The following BTAF1 variants were observed in gnomAD, a reference collection of about 807,000 sequenced individuals.
The protein encoded by BTAF1 is TATA-binding protein-associated factor 172.
A neutral mutation model predicts 227.1 loss-of-function variants in BTAF1; 38 were observed. That is an observed-to-expected ratio of 0.17 (90% CI 0.13 to 0.22). BTAF1 has a LOEUF of 0.22. Among genes scored for constraint, BTAF1 ranks in the 10% least tolerant of loss-of-function variants. The pLI is 1.00. For synonymous variants in BTAF1, 742 were observed against 751.9 expected (o/e 0.99, Z 0.21); for missense variants, 1,598 against 2,204.0 (o/e 0.73, Z 5.51).
rs745359707 is a variant in BTAF1 at position 92,008,168 on chromosome 10, T to C, written c.3706T>C (p.Leu1236=). 2.2e-5 allele frequency: 35 copies of C among 1,597,480 alleles called. No individual in the cohort carries two copies. In the Admixed American group the frequency reaches 3.2e-4, roughly 14 times the overall value. ...PPNMSAELIQ[L]KAKERHFLEQ... ...AAACATGTCAGCAGAATTAATCCAA[T>C]TGAAAGCCAAGGAGCGACACTTTTT... Residue 1236 remains leucine, a synonymous_variant, in exon 26 of 38, where the codon TTG becomes CTG. Transcript: ENST00000265990.
Position 91,993,680 on chromosome 10 carries a change from C to CA in BTAF1, c.3046-13dup, listed in dbSNP as rs762517112. On this transcript the variant is annotated splice_polypyrimidine_tract_variant and intron_variant, in intron 21 of 37. Coordinates refer to ENST00000265990, the MANE Select transcript of BTAF1 (RefSeq NM_003972.3). ...TTTCTGAAATTCTGTTTTTATCTAACATTTAATTTTAAGGCCCAGAAGCCT... is the reference window on the plus strand; with the variant it reads ...TTTCTGAAATTCTGTTTTTATCTAACAATTTAATTTTAAGGCCCAGAAGCCT... The CA allele has an allele frequency of 1.0e-5, 15 of 1,436,638 alleles. No individual in the cohort carries two copies. Among genetic ancestry groups the CA allele is most frequent in the Non-Finnish European group, 1.4e-5 (15 of 1,083,896 alleles). 89.0% of individuals were successfully genotyped at this position (1,436,638 alleles called of 1,614,324 possible).
chr10:92,017,517 T>G (rs1205760127), intron 33 of BTAF1, among the ~76,000 whole-genome samples: 3 of 151,786 alleles, frequency 2.0e-5, no homozygotes, highest in Admixed American at 1.3e-4. Flanking sequence ...TTGTTTTGTT[T>G]TGTTTTGTTT....
At chr10:91,958,972 A>G (rs1490464005) in intron 8 of BTAF1, 93 bp from the exon 9 acceptor site, 4 of 1,105,012 alleles carry the variant, frequency 3.6e-6, no homozygotes, top group Non-Finnish European at 5.3e-6. Flanking sequence ...CTAATTTCTT[A>G]AAAATCCAGT....
At chr10:91,934,313 C>G (rs1844456139) in intron 1 of BTAF1, among the ~76,000 whole-genome samples, 2 of 151,982 alleles carry the variant, frequency 1.3e-5, no homozygotes, top group Non-Finnish European at 2.9e-5. Flanking sequence ...CAGCTCATTA[C>G]AACCTCTGCC....
chr10:91,967,963 A>G (rs1847039027), intron 14 of BTAF1, among the ~76,000 whole-genome samples: 2 of 152,128 alleles, frequency 1.3e-5, no homozygotes, highest in Non-Finnish European at 2.9e-5. Context: ...TATCCCTCCT[A>G]CTACCCACAC....
intron 1 of BTAF1, among the ~76,000 whole-genome samples, chr10:91,933,328 T>C (rs1222408318): frequency 6.6e-6 from 1 of 152,124 alleles, no homozygotes; most frequent in African/African-American, 2.4e-5. Context: ...GACAAGGCAG[T>C]TGGGAGTGTG....
chr10:91,960,505 T>C (rs1366035674), intron 11 of BTAF1, among the ~76,000 whole-genome samples: 4 of 152,128 alleles, frequency 2.6e-5, no homozygotes, highest in African/African-American at 9.7e-5. Flanking sequence ...TGCCAAGTTA[T>C]GCAGTATACA....
At chr10:92,015,412 A>G (rs1850649611) in intron 32 of BTAF1, among the ~76,000 whole-genome samples, 1 of 152,180 alleles carries the variant, frequency 6.6e-6, no homozygotes, top group Admixed American at 6.5e-5. Context: ...CATTGTATAG[A>G]TGGTTAACCT....
At chr10:91,947,495 T>G (rs1337922107) in intron 4 of BTAF1, among the ~76,000 whole-genome samples, 2 of 152,162 alleles carry the variant, frequency 1.3e-5, no homozygotes, top group Non-Finnish European at 2.9e-5. Flanking sequence ...GCTCTGGAAC[T>G]CTTGTCAAAA....
intron 1 of BTAF1, among the ~76,000 whole-genome samples, chr10:91,926,858 A>G (rs1843874550): frequency 6.6e-6 from 1 of 152,184 alleles, no homozygotes; most frequent in African/African-American, 2.4e-5. Context: ...GAACATGGTA[A>G]TCTTTCTAAT....
chr10:91,924,852 C>G (rs183162848), intron 1 of BTAF1, among the ~76,000 whole-genome samples: 13 of 152,286 alleles, frequency 8.5e-5, no homozygotes, highest in Admixed American at 7.8e-4. Context: ...AATTTGGTGA[C>G]CCTCTGTACA....
chr10:91,928,386 GA>G (rs1844015205), intron 1 of BTAF1, among the ~76,000 whole-genome samples: 1 of 152,092 alleles, frequency 6.6e-6, no homozygotes, highest in Admixed American at 6.5e-5. Context: ...CAAATCCAGT[GA>G]AATATCACTG....
rs752909440 is a variant in BTAF1, at chr10:91,964,253, G to A, written c.1529+52G>A. The A allele has an allele frequency of 7.1e-6, 11 of 1,557,996 alleles. No homozygotes were observed. The African/African-American group carries it at 8.2e-5, about 12-fold the overall frequency. On this transcript the variant is annotated intron_variant, in intron 13 of 37. Transcript: ENST00000265990. ...AGTAAAAAGTCTTTACATACCTTTC[G>A]AGATAATTCAGCCTAAACATAACAA... is the stretch of plus-strand genomic sequence containing the variant.
chr10:91,954,373 G>C (rs990651109), intron 6 of BTAF1, among the ~76,000 whole-genome samples: 12 of 152,040 alleles, frequency 7.9e-5, no homozygotes, highest in African/African-American at 2.9e-4. Flanking sequence ...TGATAATCTA[G>C]GCTAGTTTAT....
In BTAF1 at chr10:91,984,282, G is replaced by A. The variant is rs767255345; in HGVS notation, c.2305G>A (p.Val769Ile). 66 of 1,613,668 alleles carry A rather than the reference G, an allele frequency of 4.1e-5. No homozygotes were observed. Among genetic ancestry groups the A allele is most frequent in the Middle Eastern group, 1.6e-4 (1 of 6,074 alleles). ...ACATTTATATTATGACGAAATTGCC[G>A]TTCCATTCACACGAATGCAGAATGA... ...SEHLYYDEIA[V>I]PFTRMQNECK... is the part of the protein sequence containing the mutation. The change falls in exon 19 of 38, where the codon GTT becomes ATT. Residue 769 changes from valine (V) to isoleucine (I), a missense_variant. Physicochemically the swap from Val to Ile is conservative, Grantham distance 29. This residue lies in a region of BTAF1 where 318 missense variants were observed against 435.0 expected (regional missense o/e 0.73). Coordinates refer to ENST00000265990, the MANE Select transcript of BTAF1 (RefSeq NM_003972.3).
chr10:91,927,198 G>T (rs1222653527), intron 1 of BTAF1, among the ~76,000 whole-genome samples: 1 of 151,266 alleles, frequency 6.6e-6, no homozygotes, highest in Non-Finnish European at 1.5e-5. Flanking sequence ...GAGTGCAATG[G>T]TGCGTTCTTG....
intron 14 of BTAF1, among the ~76,000 whole-genome samples, chr10:91,972,217 A>G (rs1483881529): frequency 6.6e-6 from 1 of 152,168 alleles, no homozygotes; most frequent in Admixed American, 6.5e-5. Context: ...TTGGTTTTCT[A>G]ATACTTGGCT....
At chr10:91,985,948 A>T (rs1041305169) in intron 19 of BTAF1, among the ~76,000 whole-genome samples, 2 of 150,566 alleles carry the variant, frequency 1.3e-5, no homozygotes, top group Admixed American at 1.3e-4. Flanking sequence ...GGATGAGCAG[A>T]TATTTTAAAT....
At chr10:91,994,175 G>A (rs1415321557) in intron 22 of BTAF1, among the ~76,000 whole-genome samples, 3 of 151,976 alleles carry the variant, frequency 2.0e-5, no homozygotes, top group Admixed American at 6.6e-5. Context: ...TTAGCTGGGC[G>A]TGTAGTCCCA....
Sources: gnomAD v4.1 joint callset for allele counts (sites outside exome capture counted in the v4.1 genomes callset) on GRCh38, gnomAD v4.1.1 for gene constraint, gnomAD v4.1.1 regional missense constraint, MANE v1.5 for transcripts, NCBI Gene and HGNC (gene_info 2026-07-23, HGNC 2026-07-21) for gene names.